The following KLHL36 variants were observed in gnomAD, a reference collection of about 807,000 sequenced individuals.
KLHL36 encodes kelch-like protein 36.
Under a neutral mutation model 53.3 loss-of-function variants are expected in KLHL36, and 35 were observed. The ratio of observed to expected loss-of-function variants is 0.66; its 90% CI spans 0.50 to 0.87. The LOEUF is 0.87. KLHL36 is among the 40% of genes least tolerant of loss of function. The probability of loss-of-function intolerance (pLI) is 0.00; values close to 1 mark genes in which losing one functional copy is unlikely to be tolerated. For missense variants in KLHL36, 864 were observed against 897.6 expected (o/e 0.96, Z 0.48); for synonymous variants, 472 against 398.9 (o/e 1.18, Z -2.18).
In KLHL36 at chr16:84,662,302, G is replaced by A. The variant is rs1907607352; in HGVS notation, c.*169G>A. On this transcript the variant is annotated 3_prime_UTR_variant, in exon 5 of 5. Coordinates refer to ENST00000564996, the MANE Select transcript of KLHL36 (RefSeq NM_024731.4). ...CACAGTAACCAATTAAATACTATCTGTAACTTTACATATCTTGCTTGAATA... is the reference window on the plus strand; with the variant it reads ...CACAGTAACCAATTAAATACTATCTATAACTTTACATATCTTGCTTGAATA... The A allele has an allele frequency of 1.5e-6, 1 of 647,226 alleles. No individual in the cohort carries two copies. Among genetic ancestry groups the A allele is most frequent in the Non-Finnish European group, 2.5e-6 (1 of 393,484 alleles). The allele number at this position is 647,226 out of a possible 1,614,324, so 40.1% of individuals were successfully genotyped here. A position where few individuals can be genotyped will look rare whatever the true frequency, so the allele number is the denominator to read the frequency against.
chr16:84,661,507 C>T lies in KLHL36; in HGVS notation c.1296-71C>T, dbSNP rs1294334988. The T allele has an allele frequency of 6.9e-7, 1 of 1,456,088 alleles. No individual in the cohort carries two copies. The highest frequency in any genetic ancestry group is 9.3e-7 in the Non-Finnish European group (1 of 1,080,326). The allele number at this position is 1,456,088 out of a possible 1,614,324, so 90.2% of individuals were successfully genotyped here. A position where few individuals can be genotyped will look rare whatever the true frequency, so the allele number is the denominator to read the frequency against. On this transcript the variant is annotated intron_variant, in intron 4 of 4. Transcript: ENST00000564996. This position sits in a 1 kb window ranked among gnomAD's most constrained non-coding sequence, Gnocchi z 7.9. ...TGGCCCTCTAAGACGGCAGGCTGTT[C>T]CCCGGCTCGGAGGGGGTAAGCCTGG...
In KLHL36 at chr16:84,657,773, C is replaced by T. The variant is rs748809986; in HGVS notation, c.966C>T (p.Ser322=). ...ACACCTGCTACCTGGACGCCAAGAG[C>T]GAGCAGTGGGTCAAAGAGACGCCGC... is the stretch of plus-strand genomic sequence containing the variant. ...SDDTCYLDAK[S]EQWVKETPLP... The change falls in exon 3 of 5, where the codon AGC becomes AGT. Residue 322 remains serine, a synonymous_variant. Transcript: ENST00000564996. The T allele has an allele frequency of 3.7e-6, 6 of 1,610,744 alleles. No homozygotes were observed. In the East Asian group the frequency reaches 6.7e-5, roughly 18 times the overall value.
Position 84,666,165 on chromosome 16 carries a change from G to C in KLHL36, c.*4032G>C, listed in dbSNP as rs546329787. 6.6e-6 allele frequency: 1 copy of C among 152,336 alleles called. No individual in the cohort carries two copies. The highest frequency in any genetic ancestry group is 2.1e-4 in the South Asian group (1 of 4,826). 9.4% of individuals were successfully genotyped at this position (152,336 alleles called of 1,614,324 possible). ...CATCTGCCAAGCCTGGCAGTTTTTA[G>C]AGTTTTTTGAAATGTTTTGATACTT... On this transcript the variant is annotated 3_prime_UTR_variant, in exon 5 of 5. Coordinates refer to ENST00000564996, the MANE Select transcript of KLHL36 (RefSeq NM_024731.4).
chr16:84,665,172 A>C lies in KLHL36; in HGVS notation c.*3039A>C, dbSNP rs1907770701. The C allele has an allele frequency of 6.6e-6, 1 of 152,152 alleles. No homozygotes were observed. The allele number at this position is 152,152 out of a possible 1,614,324, so 9.4% of individuals were successfully genotyped here. ...CTTGCAGGCTGCCATTTTGAGAGGGAAACAGCCACACATGTCATCATGTTA... is the reference window on the plus strand; with the variant it reads ...CTTGCAGGCTGCCATTTTGAGAGGGCAACAGCCACACATGTCATCATGTTA... On this transcript the variant is annotated 3_prime_UTR_variant, in exon 5 of 5. Transcript: ENST00000564996.
At position 84,665,212 on chromosome 16, in the gene KLHL36, C is replaced by G. The variant is rs1907772617; in HGVS notation, c.*3079C>G. 6.6e-6 allele frequency: 1 copy of G among 151,194 alleles called. No homozygotes were observed. Among genetic ancestry groups the G allele is most frequent in the Admixed American group, 6.6e-5 (1 of 15,190 alleles). 9.4% of individuals were successfully genotyped at this position (151,194 alleles called of 1,614,324 possible). ...TCATCATGTTAAACTTTCAGTGTTT[C>G]AAGCTATTCTGCTTGAATTTTGAAG... On this transcript the variant is annotated 3_prime_UTR_variant, in exon 5 of 5. Transcript: ENST00000564996.
At position 84,658,122 on chromosome 16, in the gene KLHL36, G is replaced by C. The variant is rs931156005; in HGVS notation, c.1137+178G>C. ...CCTACATCCTGGACAGGGAGAGGGA[G>C]AGCCGACCCACCCCTTCGAGGGGTC... On this transcript the variant is annotated intron_variant, in intron 3 of 4. Transcript: ENST00000564996. 9.3e-6 allele frequency: 5 copies of C among 536,328 alleles called. No individual in the cohort carries two copies. In the African/African-American group the frequency reaches 9.7e-5, roughly 10 times the overall value. 33.2% of individuals were successfully genotyped at this position (536,328 alleles called of 1,614,324 possible).
In KLHL36 at chr16:84,664,323, A is replaced by G. The variant is rs964468639; in HGVS notation, c.*2190A>G. 1.3e-5 allele frequency: 2 copies of G among 152,172 alleles called. No homozygotes were observed. Among genetic ancestry groups the G allele is most frequent in the African/African-American group, 4.8e-5 (2 of 41,420 alleles). 9.4% of individuals were successfully genotyped at this position (152,172 alleles called of 1,614,324 possible). On this transcript the variant is annotated 3_prime_UTR_variant, in exon 5 of 5. Transcript: ENST00000564996. The stretch of plus-strand genomic sequence containing the variant: ...CTGAATCTCGGGGCAAGTTGGGGAG[A>G]GCACATAGAAAGACTCTGTGAGTGA...
intron 1 of KLHL36, among the ~76,000 whole-genome samples, chr16:84,650,106 G>GT (rs200478149): frequency 1.5e-3 from 235 of 152,230 alleles, no homozygotes; most frequent in African/African-American, 5.3e-3. Flanking sequence ...TCCCAGCTGT[G>GT]TGACGCCGGG....
At chr16:84,654,187 G>A (rs1161643012) in intron 2 of KLHL36, among the ~76,000 whole-genome samples, 7 of 152,222 alleles carry the variant, frequency 4.6e-5, no homozygotes, top group African/African-American at 1.2e-4. Flanking sequence ...CAGGGTCCCC[G>A]GGTGGCAGAT....
In KLHL36 at chr16:84,663,089, T is replaced by C. The variant is rs1008951578; in HGVS notation, c.*956T>C. ...TCTCTGTGACTCTATCTTGAGGCGC[T>C]GTTGAAAGTTCCTGCACAGAGGAGC... is the stretch of plus-strand genomic sequence containing the variant. On this transcript the variant is annotated 3_prime_UTR_variant, in exon 5 of 5. Transcript: ENST00000564996. 1 of 152,154 alleles carries C rather than the reference T, an allele frequency of 6.6e-6. No individual in the cohort carries two copies. The highest frequency in any genetic ancestry group is 1.5e-5 in the Non-Finnish European group (1 of 68,044). The allele number at this position is 152,154 out of a possible 1,614,324, so 9.4% of individuals were successfully genotyped here.
At chr16:84,653,666 C>T (rs930967587) in intron 2 of KLHL36, among the ~76,000 whole-genome samples, 1 of 152,032 alleles carries the variant, frequency 6.6e-6, no homozygotes, top group Non-Finnish European at 1.5e-5. Context: ...AATGGCAAAA[C>T]CCTGTCTCTA....
intron 2 of KLHL36, 133 bp from the exon 3 acceptor site, chr16:84,656,738 T>G: frequency 1.5e-6 from 1 of 673,030 alleles, no homozygotes; most frequent in Non-Finnish European, 2.6e-6. Flanking sequence ...CTTCCTGCAG[T>G]GCCCTCTGAT....
chr16:84,657,437 C>G lies in KLHL36; in HGVS notation c.630C>G (p.Leu210=). ...TGCAGCGGGAGTGTGAGCACGACCT[C>G]CTGCAGGCCGCCCTGCAGTGGCTGA... The part of the protein sequence containing the change: ...SEVQRECEHD[L]LQAALQWLTQ... The change falls in exon 3 of 5, where the codon CTC becomes CTG. Residue 210 remains leucine (L), a synonymous_variant. Transcript: ENST00000564996. 6.2e-7 allele frequency: 1 copy of G among 1,606,352 alleles called. No homozygotes were observed. Among genetic ancestry groups the G allele is most frequent in the Non-Finnish European group, 8.5e-7 (1 of 1,179,964 alleles).
rs1906631622 is a variant in KLHL36 at position 84,648,895 on chromosome 16, GCCCCCGCCCCGGGCCGTCCCGA to G, written c.-17+248_-17+269del. 6.6e-6 allele frequency: 1 copy of G among 151,954 alleles called. No homozygotes were observed. The highest frequency in any genetic ancestry group is 2.4e-5 in the African/African-American group (1 of 41,366). 9.4% of individuals were successfully genotyped at this position (151,954 alleles called of 1,614,324 possible). On this transcript the variant is annotated intron_variant, in intron 1 of 4. Coordinates refer to ENST00000564996, the MANE Select transcript of KLHL36 (RefSeq NM_024731.4). This position sits in a 1 kb window ranked among gnomAD's most constrained non-coding sequence, Gnocchi z 4.9. Reference sequence around the variant, plus strand: ...CCGCCCCGCGCGTGGCAGGTGAGTGGCCCCCGCCCCGGGCCGTCCCGACTCCGCCTCCTCGCCGCCGGCTGGA... The same window carrying G: ...CCGCCCCGCGCGTGGCAGGTGAGTGGCTCCGCCTCCTCGCCGCCGGCTGGA...
chr16:84,657,461 G>A lies in KLHL36; in HGVS notation c.654G>A (p.Leu218=), dbSNP rs1907280737. The change falls in exon 3 of 5, where the codon CTG becomes CTA. Residue 218 remains leucine (L), a synonymous_variant. Coordinates refer to ENST00000564996, the MANE Select transcript of KLHL36 (RefSeq NM_024731.4). ...TCCTGCAGGCCGCCCTGCAGTGGCT[G>A]ACGCAGCAGCCCGAGCGCGAGGCCC... ...HDLLQAALQW[L]TQQPEREAHA... 1 of 1,606,840 alleles carries A rather than the reference G, an allele frequency of 6.2e-7. No homozygotes were observed. Among genetic ancestry groups the A allele is most frequent in the Non-Finnish European group, 8.5e-7 (1 of 1,179,938 alleles).
At chr16:84,650,111 G>A (rs7190856) in intron 1 of KLHL36, among the ~76,000 whole-genome samples, 36,328 of 151,980 alleles carry the variant, frequency 0.24, 4,512 homozygotes, top group Middle Eastern at 0.34. Context: ...GCTGTGTGAC[G>A]CCGGGCAGCT....
rs770177978 is a variant in KLHL36, at chr16:84,661,891, A to G, written c.1609A>G (p.Ser537Gly). The G allele has an allele frequency of 4.4e-6, 7 of 1,600,166 alleles. No homozygotes were observed. Among genetic ancestry groups the G allele is most frequent in the African/African-American group, 1.3e-5 (1 of 74,662 alleles). The change falls in exon 5 of 5, where the codon AGC becomes GGC. Residue 537 changes from serine to glycine, a missense_variant. Transcript: ENST00000564996. This position sits in a 1 kb window ranked among gnomAD's most constrained non-coding sequence, Gnocchi z 7.9. ...CGTGGCGCCGCTGCTGCACGCCAACAGCGAGTCGGGCGTGGCAGTGTGGGA... is the reference window on the plus strand; with the variant it reads ...CGTGGCGCCGCTGCTGCACGCCAACGGCGAGTCGGGCGTGGCAGTGTGGGA... ...TRVAPLLHANSESGVAVWEGR... is the reference protein window; with the variant it reads ...TRVAPLLHANGESGVAVWEGR...
In KLHL36 at chr16:84,661,444, T is replaced by C. The variant is rs1907539509; in HGVS notation, c.1296-134T>C. ...AATGACGGCTACTGTCTATAGAGTG[T>C]TCATGGGGTGCCCACTCCCTATATT... On this transcript the variant is annotated intron_variant, in intron 4 of 4. Coordinates refer to ENST00000564996, the MANE Select transcript of KLHL36 (RefSeq NM_024731.4). The surrounding 1 kb of genome is among the most constrained non-coding windows in gnomAD (Gnocchi z 7.9). 4 of 837,068 alleles carry C rather than the reference T, an allele frequency of 4.8e-6. No homozygotes were observed. Among genetic ancestry groups the C allele is most frequent in the Non-Finnish European group, 7.4e-6 (4 of 537,528 alleles). The allele number at this position is 837,068 out of a possible 1,614,324, so 51.9% of individuals were successfully genotyped here. A position where few individuals can be genotyped will look rare whatever the true frequency, so the allele number is the denominator to read the frequency against.
intron 1 of KLHL36, among the ~76,000 whole-genome samples, chr16:84,649,598 G>A (rs1175424979): frequency 6.6e-6 from 1 of 152,218 alleles, no homozygotes; most frequent in East Asian, 1.9e-4. Flanking sequence ...GGGGAGGGCC[G>A]GGGTGGGAAC....
Sources: allele counts gnomAD v4.1 joint callset (sites outside exome capture counted in the v4.1 genomes callset), GRCh38; gene constraint gnomAD v4.1.1; non-coding constraint Gnocchi (gnomAD v3.1); transcripts MANE v1.5; gene names NCBI Gene and HGNC (gene_info 2026-07-23, HGNC 2026-07-21).